YTHDF3: variants seen among roughly 807,000 people sequenced by gnomAD.
YTHDF3 encodes the protein YTH domain-containing family protein 3.
YTHDF3 carries 9 observed loss-of-function variants against 52.5 expected under a neutral mutation model. That is an observed-to-expected ratio of 0.17 (90% confidence interval 0.10 to 0.30). YTHDF3 has a LOEUF of 0.30. YTHDF3 is among the 10% of genes least tolerant of loss of function. The pLI is 1.00. For missense variants in YTHDF3, 534 were observed against 715.0 expected (o/e 0.75, Z 2.89); for synonymous variants, 274 against 243.3 (o/e 1.13, Z -1.18).
chr8:63,193,397 G>C (rs566928622), intron 4 of YTHDF3, among the ~76,000 whole-genome samples: 1 of 128,460 alleles, frequency 7.8e-6, no homozygotes. Context: ...AAAAAAAAAA[G>C]CAGCAGCAGC....
At chr8:63,198,151 T>A (rs914610829) in intron 4 of YTHDF3, among the ~76,000 whole-genome samples, 1 of 152,204 alleles carries the variant, frequency 6.6e-6, no homozygotes, top group Non-Finnish European at 1.5e-5. Flanking sequence ...ATAAAATCTC[T>A]AGAATTTTGT....
chr8:63,169,422 A>ATT lies in YTHDF3; in HGVS notation c.49+21_49+22dup, dbSNP rs745595473. On this transcript the variant is annotated intron_variant, in intron 2 of 4. Coordinates refer to ENST00000539294, the MANE Select transcript of YTHDF3 (RefSeq NM_152758.6). ...GGCAAGGAAATAAAGGTGAGTTTGG[A>ATT]TTTTTTTTTTTCTTATTGCTCAATG... The ATT allele has an allele frequency of 8.4e-6, 11 of 1,307,712 alleles. No homozygotes were observed. Among genetic ancestry groups the ATT allele is most frequent in the Admixed American group, 4.3e-5 (2 of 46,938 alleles). 81.0% of individuals were successfully genotyped at this position (1,307,712 alleles called of 1,614,324 possible).
chr8:63,199,106 G>A (rs1163566116), intron 4 of YTHDF3, among the ~76,000 whole-genome samples: 1 of 152,132 alleles, frequency 6.6e-6, no homozygotes, highest in Non-Finnish European at 1.5e-5. Flanking sequence ...GAATTGGAAA[G>A]GGGGTGCTTC....
At chr8:63,181,116 A>G (rs973995898) in intron 3 of YTHDF3, among the ~76,000 whole-genome samples, 1 of 152,226 alleles carries the variant, frequency 6.6e-6, no homozygotes, top group African/African-American at 2.4e-5. Flanking sequence ...TTTGAAGAAT[A>G]ATTTGGAAAA....
In YTHDF3 at chr8:63,192,835, TAAAA is replaced by T. The variant is rs764985541; in HGVS notation, c.1734+5091_1734+5094del. ...TTATGCCTTTTTTTTTTTTTTTAAA[TAAAA>T]GTAGTTGTAAGTCATTATTAGTGTC... On this transcript the variant is annotated intron_variant, in intron 4 of 4. Transcript: ENST00000539294. 4.4e-4 allele frequency among the ~76,000 whole-genome samples: 66 copies of T among 150,288 alleles called. 1 individual carries two copies. The highest frequency in any genetic ancestry group is 1.3e-3 in the South Asian group (6 of 4,770).
chr8:63,199,074 G>C (rs1809424936), intron 4 of YTHDF3, among the ~76,000 whole-genome samples: 1 of 152,008 alleles, frequency 6.6e-6, no homozygotes, highest in Non-Finnish European at 1.5e-5. Flanking sequence ...TTCTGAACTT[G>C]GTAAATATTT....
Position 63,187,152 on chromosome 8 carries a change from C to T in YTHDF3, c.1141C>T (p.Pro381Ser). ...GSENFGLGVV[P>S]VSASPSSVEV... ...TGAAAACTTTGGTTTAGGTGTTGTA[C>T]CTGTCAGTGCTTCACCTTCTAGTGT... The change falls in exon 4 of 5, where the codon CCT becomes TCT. Residue 381 changes from proline to serine, a missense_variant. By Grantham distance (74) the Pro-to-Ser change is moderately conservative. This residue lies in a region of YTHDF3 where 203 missense variants were observed against 201.3 expected (regional missense o/e 1.01). Transcript: ENST00000539294. 6.2e-7 allele frequency: 1 copy of T among 1,613,946 alleles called. No homozygotes were observed. The highest frequency in any genetic ancestry group is 1.3e-5 in the African/African-American group (1 of 75,022).
At chr8:63,203,242 C>CA (rs372725205) in intron 4 of YTHDF3, among the ~76,000 whole-genome samples, 46,174 of 128,610 alleles carry the variant, frequency 0.36, 9,643 homozygotes, top group East Asian at 0.78. Flanking sequence ...AACTCTGTCT[C>CA]AAAAAAAAAA....
chr8:63,182,244 T>C (rs750392036), intron 3 of YTHDF3, among the ~76,000 whole-genome samples: 7 of 148,230 alleles, frequency 4.7e-5, no homozygotes, highest in Non-Finnish European at 9.0e-5. Context: ...ATTTTTTTTT[T>C]TTTTTTTTTT....
chr8:63,169,330 A>C (rs771201488), intron 1 of YTHDF3, 57 bp from the exon 2 acceptor site: 1 of 1,561,914 alleles, frequency 6.4e-7, no homozygotes, highest in East Asian at 2.3e-5. Context: ...TGATTAACAC[A>C]CTTTTTCTTT....
At chr8:63,178,286 G>A (rs941905915) in intron 3 of YTHDF3, among the ~76,000 whole-genome samples, 3 of 152,154 alleles carry the variant, frequency 2.0e-5, no homozygotes, top group African/African-American at 7.2e-5. Context: ...CCAGCGGAGG[G>A]TGCCTGAATC....
rs1473221972 is a variant in YTHDF3, at chr8:63,210,144, G to C, written c.*438G>C. The C allele has an allele frequency of 1.3e-5, 2 of 154,628 alleles. No individual in the cohort carries two copies. Among genetic ancestry groups the C allele is most frequent in the African/African-American group, 4.8e-5 (2 of 41,542 alleles). 9.6% of individuals were successfully genotyped at this position (154,628 alleles called of 1,614,324 possible). A position where few individuals can be genotyped will look rare whatever the true frequency, so the allele number is the denominator to read the frequency against. Reference sequence around the variant, plus strand: ...ATTGTCGATTTTTAGCTATTTGACAGATTAAAAGCAAAATAATCATGCCAT... The same window carrying C: ...ATTGTCGATTTTTAGCTATTTGACACATTAAAAGCAAAATAATCATGCCAT... On this transcript the variant is annotated 3_prime_UTR_variant, in exon 5 of 5. Transcript: ENST00000539294.
At chr8:63,198,376 C>T (rs1345479769) in intron 4 of YTHDF3, among the ~76,000 whole-genome samples, 1 of 152,190 alleles carries the variant, frequency 6.6e-6, no homozygotes, top group Non-Finnish European at 1.5e-5. Context: ...AAACGATTCT[C>T]ATGCCTCAGC....
chr8:63,177,382 GA>G (rs140060947), intron 3 of YTHDF3, among the ~76,000 whole-genome samples: 3,541 of 152,132 alleles, frequency 0.023, 134 homozygotes, highest in African/African-American at 0.081. Flanking sequence ...AAATGGGAAA[GA>G]AAAAAACTTT....
chr8:63,206,919 C>G (rs918815129), intron 4 of YTHDF3, among the ~76,000 whole-genome samples: 1 of 151,986 alleles, frequency 6.6e-6, no homozygotes, highest in Non-Finnish European at 1.5e-5. Flanking sequence ...GATCTGTGTA[C>G]TAATTCTTTG....
At chr8:63,181,734 G>C (rs1301669515) in intron 3 of YTHDF3, among the ~76,000 whole-genome samples, 1 of 152,156 alleles carries the variant, frequency 6.6e-6, no homozygotes, top group East Asian at 1.9e-4. Context: ...AGTGCTCCCA[G>C]TTGGAGACCA....
At chr8:63,197,577 G>A (rs1809321523) in intron 4 of YTHDF3, among the ~76,000 whole-genome samples, 1 of 152,098 alleles carries the variant, frequency 6.6e-6, no homozygotes, top group African/African-American at 2.4e-5. Context: ...ACAGCCACTG[G>A]AATAATTAAA....
At chr8:63,172,324 C>T (rs191552044) in intron 2 of YTHDF3, among the ~76,000 whole-genome samples, 2 of 152,226 alleles carry the variant, frequency 1.3e-5, no homozygotes, top group African/African-American at 2.4e-5. Flanking sequence ...TTACTGCCTC[C>T]TTTCTCCTCT....
chr8:63,191,606 A>T lies in YTHDF3; in HGVS notation c.1734+3861A>T, dbSNP rs1808916578. ...GAAACTTTATATCTTTTTTCTTCTA[A>T]AAAAAATTAAATATAATAAAATTGT... On this transcript the variant is annotated intron_variant, in intron 4 of 4. Coordinates refer to ENST00000539294, the MANE Select transcript of YTHDF3 (RefSeq NM_152758.6). Among the ~76,000 whole-genome samples the T allele has an allele frequency of 4.0e-5, 6 of 149,328 alleles. No individual in the cohort carries two copies. The South Asian group carries it at 1.2e-3, about 31-fold the overall frequency.
Sources: gnomAD v4.1 joint callset for allele counts (sites outside exome capture counted in the v4.1 genomes callset) on GRCh38, gnomAD v4.1.1 for gene constraint, gnomAD v4.1.1 regional missense constraint, MANE v1.5 for transcripts, NCBI Gene and HGNC (gene_info 2026-07-23, HGNC 2026-07-21) for gene names.